The following NAALADL2 variants were observed in gnomAD, a reference collection of about 807,000 sequenced individuals.
NAALADL2 encodes the protein inactive N-acetylated-alpha-linked acidic dipeptidase-like protein 2.
In NAALADL2, 76 loss-of-function variants were observed where a neutral mutation model predicts 87.2. The observed-to-expected ratio is 0.87, with a 90% CI of 0.72 to 1.05. NAALADL2 has a LOEUF of 1.05. Ranked by LOEUF, NAALADL2 falls within the 50% of genes least tolerant of loss-of-function variation. The pLI is 0.00. For synonymous variants in NAALADL2, 354 were observed against 331.0 expected (o/e 1.07, Z -0.75); for missense variants, 1,089 against 945.8 (o/e 1.15, Z -1.99).
intron 1 of NAALADL2, among the ~76,000 whole-genome samples, chr3:174,936,808 C>A (rs559979453): frequency 1.1e-4 from 17 of 152,144 alleles, no homozygotes; most frequent in African/African-American, 3.9e-4. Context: ...TACAGTCACA[C>A]CTGGTTGCTA....
intron 13 of NAALADL2, among the ~76,000 whole-genome samples, chr3:175,768,792 C>T (rs1301888365): frequency 1.3e-5 from 2 of 148,176 alleles, no homozygotes; most frequent in African/African-American, 5.1e-5. Flanking sequence ...GCAGAGGTTG[C>T]AGTGAGCTGA....
chr3:175,009,512 AT>A (rs1022572171), intron 1 of NAALADL2, among the ~76,000 whole-genome samples: 16 of 152,194 alleles, frequency 1.1e-4, no homozygotes, highest in African/African-American at 3.9e-4. Flanking sequence ...ATTATGTATT[AT>A]TACCCATGTA....
intron 13 of NAALADL2, among the ~76,000 whole-genome samples, chr3:175,788,370 G>T (rs1752367788): frequency 6.6e-6 from 1 of 151,964 alleles, no homozygotes; most frequent in African/African-American, 2.4e-5. Flanking sequence ...GGATTATAGG[G>T]GTGAGCCACT....
At chr3:175,287,525 A>G (rs1755131072) in intron 4 of NAALADL2, among the ~76,000 whole-genome samples, 1 of 152,222 alleles carries the variant, frequency 6.6e-6, no homozygotes, top group Admixed American at 6.5e-5. Context: ...AAACACAGAG[A>G]GGTTACATAA....
chr3:174,507,192 TTAA>T (rs1719253269), intron 1 of NAALADL2, among the ~76,000 whole-genome samples: 1 of 152,190 alleles, frequency 6.6e-6, no homozygotes, highest in Non-Finnish European at 1.5e-5. Context: ...AGGCAAAAGT[TTAA>T]TGTTTTATTT....
chr3:174,770,109 TACAG>T (rs762361633), intron 3 of NAALADL2, among the ~76,000 whole-genome samples: 3 of 152,190 alleles, frequency 2.0e-5, no homozygotes, highest in Non-Finnish European at 2.9e-5. Context: ...TTGTAACTCT[TACAG>T]ACACTCATGT....
At chr3:174,583,155 A>T (rs1364845260) in intron 2 of NAALADL2, among the ~76,000 whole-genome samples, 1 of 152,240 alleles carries the variant, frequency 6.6e-6, no homozygotes, top group Non-Finnish European at 1.5e-5. Flanking sequence ...AAATGATGGC[A>T]AAGTCCAGTG....
intron 5 of NAALADL2, among the ~76,000 whole-genome samples, chr3:175,362,623 A>C (rs1165221678): frequency 6.7e-6 from 1 of 148,172 alleles, no homozygotes; most frequent in Non-Finnish European, 1.5e-5. Flanking sequence ...TGCAATTGCA[A>C]ATTTTACTGC....
chr3:175,611,046 T>A (rs1724576616), intron 10 of NAALADL2, among the ~76,000 whole-genome samples: 2 of 152,012 alleles, frequency 1.3e-5, no homozygotes, highest in African/African-American at 4.8e-5. Context: ...AAGTCAACAA[T>A]GGTGAGTAGC....
In NAALADL2 at chr3:175,091,754, A is replaced by T. The variant is rs1580395171; in HGVS notation, c.44-5036A>T. On this transcript the variant is annotated intron_variant, in intron 1 of 13. Coordinates refer to ENST00000454872, the MANE Select transcript of NAALADL2 (RefSeq NM_207015.3). ...GCTCTGTTGTTCTTTGAGTAAATAG[A>T]CCAAAAATCACGCTGTAATAAGATA... 4.6e-5 allele frequency among the ~76,000 whole-genome samples: 7 copies of T among 152,158 alleles called. No homozygotes were observed. In the South Asian group the frequency reaches 1.5e-3, roughly 32 times the overall value.
intron 2 of NAALADL2, among the ~76,000 whole-genome samples, chr3:174,611,266 GTAAC>G (rs1233279584): frequency 6.6e-6 from 1 of 151,968 alleles, no homozygotes; most frequent in Admixed American, 6.6e-5. Flanking sequence ...GTATACATAT[GTAAC>G]TAACCTGCAC....
At position 175,314,354 on chromosome 3, in the gene NAALADL2, A is replaced by G. The variant is rs183188023; in HGVS notation, c.940-9821A>G. On this transcript the variant is annotated intron_variant, in intron 4 of 13. Transcript: ENST00000454872. ...TTATAAAAATATGTCAGCAAGATAA[A>G]ATTACACATTCAAACTTCGTTGGGC... 2.3e-3 allele frequency among the ~76,000 whole-genome samples: 343 copies of G among 151,390 alleles called. 2 individuals are homozygous for G. The highest frequency in any genetic ancestry group is 8.0e-3 in the African/African-American group (331 of 41,370).
At chr3:174,907,524 C>A (rs1324242477) in intron 1 of NAALADL2, among the ~76,000 whole-genome samples, 3 of 152,014 alleles carry the variant, frequency 2.0e-5, no homozygotes, top group Non-Finnish European at 4.4e-5. Context: ...TCTCATGGCT[C>A]TGTATACTAT....
intron 11 of NAALADL2, among the ~76,000 whole-genome samples, chr3:175,663,127 AT>A (rs2149816435): frequency 6.6e-6 from 1 of 151,912 alleles, no homozygotes; most frequent in African/African-American, 2.4e-5. Context: ...CAGTGTATAC[AT>A]TAGCTCCTGG....
At chr3:175,654,694 T>C (rs988972268) in intron 11 of NAALADL2, among the ~76,000 whole-genome samples, 2 of 152,202 alleles carry the variant, frequency 1.3e-5, no homozygotes, top group Non-Finnish European at 2.9e-5. Flanking sequence ...TTCTTTTTTT[T>C]ACAGTAGTCC....
intron 1 of NAALADL2, among the ~76,000 whole-genome samples, chr3:175,053,527 G>T (rs941239396): frequency 6.6e-5 from 10 of 152,160 alleles, no homozygotes; most frequent in African/African-American, 2.4e-4. Flanking sequence ...TCAGCATCTG[G>T]CTCATGATAA....
At chr3:175,573,428 G>A (rs1718384997) in intron 9 of NAALADL2, among the ~76,000 whole-genome samples, 1 of 152,120 alleles carries the variant, frequency 6.6e-6, no homozygotes, top group African/African-American at 2.4e-5. Context: ...CAACAATCTC[G>A]ATTTCACAAA....
chr3:175,787,398 G>C (rs1020057685), intron 13 of NAALADL2, among the ~76,000 whole-genome samples: 2 of 152,176 alleles, frequency 1.3e-5, no homozygotes, highest in Non-Finnish European at 2.9e-5. Flanking sequence ...AGCCAGGTGC[G>C]GGATGTAATC....
At chr3:175,170,895 CAT>C (rs1734706356) in intron 2 of NAALADL2, among the ~76,000 whole-genome samples, 2 of 151,684 alleles carry the variant, frequency 1.3e-5, no homozygotes, top group South Asian at 2.1e-4. Context: ...TGTGAAAAAA[CAT>C]ATATAAGAGA....
Sources: gnomAD v4.1 joint callset for allele counts (sites outside exome capture counted in the v4.1 genomes callset) on GRCh38, gnomAD v4.1.1 for gene constraint, MANE v1.5 for transcripts, NCBI Gene and HGNC (gene_info 2026-07-23, HGNC 2026-07-21) for gene names.